EPN1: variants seen among roughly 807,000 people sequenced by gnomAD.
EPN1 encodes epsin 1, also known as epsin-1.
A neutral mutation model predicts 56.9 loss-of-function variants in EPN1; 25 were observed. That is an observed-to-expected ratio of 0.44 (90% CI 0.32 to 0.61). EPN1 has a LOEUF of 0.61. Among genes scored for constraint, EPN1 ranks in the 20% least tolerant of loss-of-function variants. The pLI, the probability that EPN1 is intolerant of heterozygous loss-of-function variation, is 0.05. For missense variants in EPN1, 785 were observed against 823.7 expected (o/e 0.95, Z 0.58); for synonymous variants, 411 against 361.8 (o/e 1.14, Z -1.54).
In EPN1 at chr19:55,691,428, C is replaced by G. The variant is rs756492990; in HGVS notation, c.763-326C>G. On this transcript the variant is annotated intron_variant, in intron 6 of 10. Coordinates refer to ENST00000270460, the MANE Select transcript of EPN1 (RefSeq NM_001130072.2). The surrounding 1 kb of genome is among the most constrained non-coding windows in gnomAD (Gnocchi z 5.6). ...CTTGGCCTCCATCCTCAGTCAGGGC[C>G]GGGCAAGGACCTGGGAGCAGGTGGA... Among the ~76,000 whole-genome samples, 1 of 151,644 alleles carries G rather than the reference C, an allele frequency of 6.6e-6. No individual in the cohort carries two copies. The highest frequency in any genetic ancestry group is 2.4e-5 in the African/African-American group (1 of 41,222).
chr19:55,692,355 T>G (rs1600108148), intron 7 of EPN1, among the ~76,000 whole-genome samples: 1 of 117,012 alleles, frequency 8.5e-6, no homozygotes, highest in South Asian at 2.7e-4. Flanking sequence ...GGGAGGGCGG[T>G]GGGTGGAGCT....
At position 55,705,811 on chromosome 19, in the gene EPN1, ATAT is replaced by A; in HGVS notation, c.*10456_*10458del. The A allele has an allele frequency of 1.0e-5, 1 of 99,558 alleles. No individual in the cohort carries two copies. The highest frequency in any genetic ancestry group is 2.7e-4 in the East Asian group (1 of 3,652). 6.2% of individuals were successfully genotyped at this position (99,558 alleles called of 1,614,324 possible). A position where few individuals can be genotyped will look rare whatever the true frequency, so the allele number is the denominator to read the frequency against. On this transcript the variant is annotated 3_prime_UTR_variant, in exon 11 of 11. Transcript: ENST00000270460. ...GCTGGAATATTTGTTGTTGTGGGAT[ATAT>A]ATATATATATATATTTAGAGTGTTG...
intron 9 of EPN1, 48 bp downstream of exon 9, chr19:55,693,085 A>G (rs760499650): frequency 3.2e-6 from 5 of 1,565,880 alleles, no homozygotes; most frequent in Non-Finnish European, 4.4e-6. Context: ...AGCCTCCCCT[A>G]GCTCTTCGGG....
rs1484450438 is a variant in EPN1 at position 55,694,080 on chromosome 19, A to T, written c.1265-646A>T. 1 of 152,040 alleles carries T rather than the reference A, an allele frequency of 6.6e-6. No homozygotes were observed. Among genetic ancestry groups the T allele is most frequent in the Non-Finnish European group, 1.5e-5 (1 of 68,030 alleles). The allele number at this position is 152,040 out of a possible 1,614,324, so 9.4% of individuals were successfully genotyped here. A position where few individuals can be genotyped will look rare whatever the true frequency, so the allele number is the denominator to read the frequency against. Reference sequence around the variant, plus strand: ...AAAAACACAAAATTATTACCCAGGCATGGTGGCGCACGCCTGTAATCCCAG... The same window carrying T: ...AAAAACACAAAATTATTACCCAGGCTTGGTGGCGCACGCCTGTAATCCCAG... On this transcript the variant is annotated intron_variant, in intron 9 of 10. Coordinates refer to ENST00000270460, the MANE Select transcript of EPN1 (RefSeq NM_001130072.2). The surrounding 1 kb of genome is among the most constrained non-coding windows in gnomAD (Gnocchi z 4.2).
intron 1 of EPN1, chr19:55,677,113 G>A: frequency 6.4e-7 from 1 of 1,550,608 alleles, no homozygotes; most frequent in Non-Finnish European, 8.7e-7. Context: ...ATCTCCCCTG[G>A]GCTTACATCA....
Position 55,708,813 on chromosome 19 carries a change from G to A in EPN1, c.*13457G>A. ...GGAGTACCTCTGAAATCACAGCCCTGCTGCCATGATGTGCAATTACAGGAT... is the reference window on the plus strand; with the variant it reads ...GGAGTACCTCTGAAATCACAGCCCTACTGCCATGATGTGCAATTACAGGAT... On this transcript the variant is annotated 3_prime_UTR_variant, in exon 11 of 11. Transcript: ENST00000270460. 1 of 776,502 alleles carries A rather than the reference G, an allele frequency of 1.3e-6. No homozygotes were observed. Among genetic ancestry groups the A allele is most frequent in the Non-Finnish European group, 2.0e-6 (1 of 499,350 alleles). 48.1% of individuals were successfully genotyped at this position (776,502 alleles called of 1,614,324 possible).
chr19:55,683,676 A>G (rs1985977660), intron 2 of EPN1, among the ~76,000 whole-genome samples: 1 of 152,158 alleles, frequency 6.6e-6, no homozygotes, highest in African/African-American at 2.4e-5. Flanking sequence ...ATTTCAGTGT[A>G]TGTGGTAGTC....
rs1426825756 is a variant in EPN1, at chr19:55,689,896, G to A, written c.708G>A (p.Leu236=). Residue 236 remains leucine, a synonymous_variant, in exon 6 of 11, where the codon CTG becomes CTA. Coordinates refer to ENST00000270460, the MANE Select transcript of EPN1 (RefSeq NM_001130072.2). This position sits in a 1 kb window ranked among gnomAD's most constrained non-coding sequence, Gnocchi z 5.7. The part of the protein sequence containing the change: ...KEERIRRGDD[L]RLQMAIEESK... Reference sequence around the variant, plus strand: ...AGCGGATCCGTCGCGGGGATGACCTGCGGCTGCAGATGGCAATCGAGGAGA... The same window carrying A: ...AGCGGATCCGTCGCGGGGATGACCTACGGCTGCAGATGGCAATCGAGGAGA... The A allele has an allele frequency of 1.9e-6, 3 of 1,606,544 alleles. No individual in the cohort carries two copies. The highest frequency in any genetic ancestry group is 2.5e-6 in the Non-Finnish European group (3 of 1,176,928).
chr19:55,691,796 C>G lies in EPN1; in HGVS notation c.805C>G (p.Pro269Ala), dbSNP rs774082917. 3 of 1,612,732 alleles carry G rather than the reference C, an allele frequency of 1.9e-6. No homozygotes were observed. Among genetic ancestry groups the G allele is most frequent in the Non-Finnish European group, 2.5e-6 (3 of 1,179,406 alleles). The change falls in exon 7 of 11, where the codon CCT (proline) becomes GCT (alanine). Residue 269 changes from proline to alanine, a missense_variant. By Grantham distance (27) the Pro-to-Ala change is conservative. Transcript: ENST00000270460. The surrounding 1 kb of genome is among the most constrained non-coding windows in gnomAD (Gnocchi z 5.6). ...DLADVFTAPA[P>A]APTTDPWGGP... ...TGCTGACGTCTTCACGGCCCCAGCT[C>G]CTGCCCCGACCACAGACCCCTGGGG...
Position 55,701,431 on chromosome 19 carries a change from A to C in EPN1, c.*6075A>C, listed in dbSNP as rs1015364804. 6.6e-6 allele frequency: 1 copy of C among 150,524 alleles called. No individual in the cohort carries two copies. The highest frequency in any genetic ancestry group is 1.5e-5 in the Non-Finnish European group (1 of 67,790). 9.3% of individuals were successfully genotyped at this position (150,524 alleles called of 1,614,324 possible). A position where few individuals can be genotyped will look rare whatever the true frequency, so the allele number is the denominator to read the frequency against. ...ACTACTGCACTCCAGCCTGGGTGAC[A>C]GAGTGAGACCCTGTCTCCAAAAAAA... On this transcript the variant is annotated 3_prime_UTR_variant, in exon 11 of 11. Transcript: ENST00000270460.
chr19:55,679,789 C>T (rs1319836849), intron 2 of EPN1, among the ~76,000 whole-genome samples: 1 of 152,182 alleles, frequency 6.6e-6, no homozygotes, highest in Non-Finnish European at 1.5e-5. Flanking sequence ...CCCGACACAC[C>T]AGGATTGGGT....
At chr19:55,690,362 T>G (rs1986459040) in intron 6 of EPN1, among the ~76,000 whole-genome samples, 1 of 152,226 alleles carries the variant, frequency 6.6e-6, no homozygotes, top group Non-Finnish European at 1.5e-5. Flanking sequence ...CCAGGGCCTG[T>G]TGGTGAGCGA....
At position 55,688,920 on chromosome 19, in the gene EPN1, T is replaced by G; in HGVS notation, c.529T>G (p.Trp177Gly). 1 of 1,590,032 alleles carries G rather than the reference T, an allele frequency of 6.3e-7. No homozygotes were observed. Among genetic ancestry groups the G allele is most frequent in the Non-Finnish European group, 8.5e-7 (1 of 1,169,618 alleles). ...SGPPPEAEQA[W>G]PQSSGEEELQ... ...CCCCCCTCCCGAGGCGGAGCAGGCG[T>G]GGCCGCAGAGCAGCGGGGAGGAGGA... Residue 177 changes from tryptophan (W) to glycine (G), a missense_variant, in exon 4 of 11, where the codon TGG becomes GGG. Trp to Gly is a radical substitution (Grantham distance 184). Transcript: ENST00000270460.
chr19:55,691,683 G>T lies in EPN1; in HGVS notation c.763-71G>T, dbSNP rs1412027305. On this transcript the variant is annotated intron_variant, in intron 6 of 10. Coordinates refer to ENST00000270460, the MANE Select transcript of EPN1 (RefSeq NM_001130072.2). This position sits in a 1 kb window ranked among gnomAD's most constrained non-coding sequence, Gnocchi z 5.6. ...GGCCTGGCCGCCTCCCCCGCCACGG[G>T]CCCCAGCTTGGTCCCTGTCCCAGGC... is the stretch of plus-strand genomic sequence containing the variant. The T allele has an allele frequency of 1.4e-6, 2 of 1,449,014 alleles. No individual in the cohort carries two copies. Among genetic ancestry groups the T allele is most frequent in the African/African-American group, 2.8e-5 (2 of 71,058 alleles). The allele number at this position is 1,449,014 out of a possible 1,614,324, so 89.8% of individuals were successfully genotyped here.
intron 2 of EPN1, among the ~76,000 whole-genome samples, chr19:55,679,071 G>T (rs779945030): frequency 6.6e-6 from 1 of 152,246 alleles, no homozygotes; most frequent in Non-Finnish European, 1.5e-5. Context: ...TGGTGCGTAC[G>T]TAAGATTCAT....
chr19:55,678,760 G>A lies in EPN1; in HGVS notation c.133G>A (p.Asp45Asn), dbSNP rs1176210177. 3 of 1,614,118 alleles carry A rather than the reference G, an allele frequency of 1.9e-6. No individual in the cohort carries two copies. The highest frequency in any genetic ancestry group is 1.1e-5 in the South Asian group (1 of 91,066). ...PSSSLMSEIA[D>N]LTYNVVAFSE... ...CAGCTCCCTCATGTCAGAGATTGCC[G>A]ACCTCACCTACAACGTTGTCGCCTT... The change falls in exon 2 of 11, where the codon GAC becomes AAC. Residue 45 changes from aspartate (D) to asparagine (N), a missense_variant. Transcript: ENST00000270460.
At chr19:55,682,029 C>T (rs1048919135) in intron 2 of EPN1, among the ~76,000 whole-genome samples, 8 of 151,640 alleles carry the variant, frequency 5.3e-5, no homozygotes, top group Non-Finnish European at 1.5e-5. Context: ...TGGTCTTGAA[C>T]TCCTGGGCTC....
chr19:55,685,704 C>T (rs1986123955), intron 3 of EPN1, 59 bp downstream of exon 3: 10 of 1,530,168 alleles, frequency 6.5e-6, no homozygotes, highest in Non-Finnish European at 8.8e-6. Flanking sequence ...TACTGCGGCT[C>T]CCGGCACCCG....
chr19:55,675,598 C>T (rs1985343317), intron 1 of EPN1, among the ~76,000 whole-genome samples, 163 bp downstream of exon 1: 1 of 152,200 alleles, frequency 6.6e-6, no homozygotes, highest in Admixed American at 6.5e-5. Context: ...TGTCGGTTGT[C>T]TGTGTCTGTC....
Sources: allele counts gnomAD v4.1 joint callset (sites outside exome capture counted in the v4.1 genomes callset), GRCh38; gene constraint gnomAD v4.1.1; non-coding constraint Gnocchi (gnomAD v3.1); transcripts MANE v1.5; gene names NCBI Gene and HGNC (gene_info 2026-07-23, HGNC 2026-07-21).